GMDS: variants seen among roughly 807,000 people sequenced by gnomAD.
GMDS encodes GDP-mannose 4,6 dehydratase.
Under a neutral mutation model 49.9 loss-of-function variants are expected in GMDS, and 20 were observed. The ratio of observed to expected loss-of-function variants is 0.40; its 90% CI spans 0.28 to 0.58. GMDS has a LOEUF of 0.58. Ranked by LOEUF, GMDS falls within the 20% of genes least tolerant of loss-of-function variation. GMDS has a pLI of 0.42. For synonymous variants in GMDS, 177 were observed against 178.6 expected, an observed-to-expected ratio of 0.99 and a Z score of 0.07; for missense variants, 362 against 481.4, an observed-to-expected ratio of 0.75 and a Z score of 2.32.
chr6:1,708,744 G>A (rs576102484), intron 9 of GMDS, among the ~76,000 whole-genome samples: 14 of 152,364 alleles, frequency 9.2e-5, no homozygotes, highest in East Asian at 5.8e-4. Flanking sequence ...CCTGGCTGGC[G>A]TTCCTCTGAG....
At chr6:2,168,015 T>C (rs1324870536) in intron 1 of GMDS, among the ~76,000 whole-genome samples, 2 of 152,198 alleles carry the variant, frequency 1.3e-5, no homozygotes, top group African/African-American at 4.8e-5. Flanking sequence ...AAAAATTCCT[T>C]TAAAGTGAAA....
chr6:1,656,352 A>G (rs1016157318), intron 9 of GMDS, among the ~76,000 whole-genome samples: 3 of 152,232 alleles, frequency 2.0e-5, no homozygotes, highest in South Asian at 2.1e-4. Flanking sequence ...CAGATTTGCC[A>G]TCACAAATTC....
intron 1 of GMDS, among the ~76,000 whole-genome samples, chr6:2,133,034 C>G (rs1302861218): frequency 6.6e-6 from 1 of 152,156 alleles, no homozygotes; most frequent in East Asian, 1.9e-4. Flanking sequence ...CTCACTATCT[C>G]TCAAAGTGAC....
In GMDS at chr6:2,191,529, G is replaced by A. The variant is rs558106222; in HGVS notation, c.102+53792C>T. On this transcript the variant is annotated intron_variant, in intron 1 of 10. Coordinates refer to ENST00000380815, the MANE Select transcript of GMDS (RefSeq NM_001500.4). The surrounding 1 kb of genome is among the most constrained non-coding windows in gnomAD (Gnocchi z 4.6). ...CTCTTGGGGGCCCTGGAAGGCCCCCGCCTTGCCCTTGCAGGCTCGGAGGTG... is the reference window on the plus strand; with the variant it reads ...CTCTTGGGGGCCCTGGAAGGCCCCCACCTTGCCCTTGCAGGCTCGGAGGTG... Among the ~76,000 whole-genome samples, 8 of 152,240 alleles carry A rather than the reference G, an allele frequency of 5.3e-5. No homozygotes were observed. Among genetic ancestry groups the A allele is most frequent in the Non-Finnish European group, 7.3e-5 (5 of 68,036 alleles).
intron 1 of GMDS, among the ~76,000 whole-genome samples, chr6:2,244,040 T>A (rs891241639): frequency 6.6e-6 from 1 of 151,726 alleles, no homozygotes; most frequent in African/African-American, 2.4e-5. Flanking sequence ...TTTTTTAAAT[T>A]TTTTTGTAGA....
chr6:2,136,981 G>A (rs551226819), intron 1 of GMDS, among the ~76,000 whole-genome samples: 3 of 151,522 alleles, frequency 2.0e-5, no homozygotes, highest in East Asian at 1.9e-4. Flanking sequence ...AATCCATATC[G>A]GTTCAAGTTA....
rs868827290 is a variant in GMDS at position 1,864,149 on chromosome 6, C to A, written c.771+65954G>T. Among the ~76,000 whole-genome samples the A allele has an allele frequency of 2.0e-5, 3 of 152,224 alleles. No individual in the cohort carries two copies. In the East Asian group the frequency reaches 5.8e-4, roughly 29 times the overall value. On this transcript the variant is annotated intron_variant, in intron 7 of 10. Coordinates refer to ENST00000380815, the MANE Select transcript of GMDS (RefSeq NM_001500.4). Reference sequence around the variant, plus strand: ...ACATTATAAATATCAAGAATTATTTCTCTAAACTTTTCTCATTATTTATTA... The same window carrying A: ...ACATTATAAATATCAAGAATTATTTATCTAAACTTTTCTCATTATTTATTA...
chr6:2,001,892 G>A (rs1766839247), intron 4 of GMDS, among the ~76,000 whole-genome samples: 4 of 152,072 alleles, frequency 2.6e-5, no homozygotes, highest in African/African-American at 9.7e-5. Flanking sequence ...TAACTCAAAT[G>A]GATCTAAGAC....
At chr6:2,180,636 A>G (rs929612039) in intron 1 of GMDS, among the ~76,000 whole-genome samples, 2 of 152,292 alleles carry the variant, frequency 1.3e-5, no homozygotes, top group Middle Eastern at 3.4e-3. Context: ...TGAGACATAA[A>G]TTATATATAA....
At chr6:1,870,475 G>A (rs908684081) in intron 7 of GMDS, among the ~76,000 whole-genome samples, 13 of 151,760 alleles carry the variant, frequency 8.6e-5, no homozygotes, top group East Asian at 7.8e-4. Flanking sequence ...CTACACACCC[G>A]CACACCAAGC....
intron 4 of GMDS, among the ~76,000 whole-genome samples, chr6:2,099,978 G>T (rs554923428): frequency 6.6e-6 from 1 of 152,048 alleles, no homozygotes; most frequent in South Asian, 2.1e-4. Context: ...GAAATTTTGG[G>T]GTTGTAGGAG....
intron 4 of GMDS, among the ~76,000 whole-genome samples, chr6:1,998,595 GA>G (rs1291631080): frequency 6.6e-6 from 1 of 151,946 alleles, no homozygotes; most frequent in Non-Finnish European, 1.5e-5. Context: ...AAAATATTCA[GA>G]AAAAAATTTT....
intron 7 of GMDS, among the ~76,000 whole-genome samples, chr6:1,899,571 C>T (rs1363455845): frequency 6.6e-6 from 1 of 152,108 alleles, no homozygotes; most frequent in Non-Finnish European, 1.5e-5. Flanking sequence ...AGCCGGTGGG[C>T]CATTCCAGGA....
rs560415900 is a variant in GMDS at position 1,870,884 on chromosome 6, C to T, written c.771+59219G>A. 3.3e-5 allele frequency among the ~76,000 whole-genome samples: 5 copies of T among 152,212 alleles called. No homozygotes were observed. In the East Asian group the frequency reaches 9.6e-4, roughly 29 times the overall value. ...TGAACAAAAGTAAACACAAACAGGG[C>T]CCAGGGAACTAATAATGTCACCTGT... On this transcript the variant is annotated intron_variant, in intron 7 of 10. Coordinates refer to ENST00000380815, the MANE Select transcript of GMDS (RefSeq NM_001500.4).
At chr6:1,737,597 A>T (rs1767052042) in intron 8 of GMDS, among the ~76,000 whole-genome samples, 1 of 149,924 alleles carries the variant, frequency 6.7e-6, no homozygotes, top group Non-Finnish European at 1.5e-5. Context: ...ACACATACAC[A>T]CACCACACAC....
At chr6:2,203,193 G>C (rs1237373895) in intron 1 of GMDS, among the ~76,000 whole-genome samples, 1 of 152,122 alleles carries the variant, frequency 6.6e-6, no homozygotes. Context: ...TAGGCCACTG[G>C]GGGGTTGGGG....
chr6:1,921,547 A>G (rs563923591), intron 7 of GMDS, among the ~76,000 whole-genome samples: 1 of 152,352 alleles, frequency 6.6e-6, no homozygotes, highest in East Asian at 1.9e-4. Flanking sequence ...GAAGAAGAGA[A>G]AAAAAGAGAA....
intron 4 of GMDS, among the ~76,000 whole-genome samples, chr6:2,011,305 T>C (rs73410422): frequency 0.021 from 3,150 of 152,176 alleles, 67 homozygotes; most frequent in South Asian, 0.095. Context: ...ATAGAAGATG[T>C]TGGTGAGGAT....
chr6:1,947,480 C>G (rs527509434), intron 6 of GMDS, among the ~76,000 whole-genome samples: 2 of 152,304 alleles, frequency 1.3e-5, no homozygotes, highest in Admixed American at 1.3e-4. Context: ...TCCTCTGATA[C>G]AATTGTGCTG....
Sources: gnomAD v4.1 joint callset for allele counts (sites outside exome capture counted in the v4.1 genomes callset) on GRCh38, gnomAD v4.1.1 for gene constraint, Gnocchi (gnomAD v3.1) non-coding constraint, MANE v1.5 for transcripts, NCBI Gene and HGNC (gene_info 2026-07-23, HGNC 2026-07-21) for gene names.